Variants in DENND6A observed in about 807,000 individuals in gnomAD.
DENND6A encodes the protein DENN domain containing 6A, also known as protein DENND6A.
A neutral mutation model predicts 95.5 loss-of-function variants in DENND6A; 43 were observed. The observed-to-expected ratio is 0.45, with a 90% confidence interval of 0.35 to 0.58. The LOEUF is 0.58. Among genes scored for constraint, DENND6A ranks in the 20% least tolerant of loss-of-function variants. The pLI, the probability that DENND6A is intolerant of heterozygous loss-of-function variation, is 0.00. For synonymous variants in DENND6A, 257 were observed against 260.4 expected (o/e 0.99, Z 0.13); for missense variants, 574 against 736.0 (o/e 0.78, Z 2.55).
At chr3:57,654,797 TCTTTA>T (rs1419469672) in intron 9 of DENND6A, 3 of 984,444 alleles carry the variant, frequency 3.0e-6, no homozygotes, top group Admixed American at 6.1e-5. Flanking sequence ...TTTCTAGGTC[TCTTTA>T]CTTTGCTTTC....
chr3:57,661,121 A>T (rs892080952), intron 6 of DENND6A, among the ~76,000 whole-genome samples: 1 of 152,232 alleles, frequency 6.6e-6, no homozygotes, highest in African/African-American at 2.4e-5. Context: ...AAGCACATCA[A>T]CTGGCAAAGG....
chr3:57,660,902 G>A, intron 6 of DENND6A, 63 bp from the exon 7 acceptor site: 2 of 1,404,376 alleles, frequency 1.4e-6, no homozygotes, highest in African/African-American at 1.5e-5. Flanking sequence ...TAAAAATGAG[G>A]CATTAGAAAT....
At position 57,664,807 on chromosome 3, in the gene DENND6A, T is replaced by C. The variant is rs190331120; in HGVS notation, c.433-1091A>G. ...GAGATCACGCCACTGCACTCCAGCC[T>C]GGTGACAGAGCAAGACTCCATCTCA... On this transcript the variant is annotated intron_variant, in intron 4 of 19. Transcript: ENST00000311128. Among the ~76,000 whole-genome samples, 25 of 152,186 alleles carry C rather than the reference T, an allele frequency of 1.6e-4. No individual in the cohort carries two copies. In the East Asian group the frequency reaches 4.6e-3, roughly 28 times the overall value.
At chr3:57,644,653 A>C (rs1426460679) in intron 11 of DENND6A, among the ~76,000 whole-genome samples, 1 of 131,560 alleles carries the variant, frequency 7.6e-6, no homozygotes, top group East Asian at 2.4e-4. Context: ...TGTTACAAGA[A>C]AGAAGAGGTG....
intron 1 of DENND6A, among the ~76,000 whole-genome samples, chr3:57,686,069 C>T (rs778554907): frequency 3.3e-5 from 5 of 151,980 alleles, no homozygotes; most frequent in Non-Finnish European, 7.4e-5. Context: ...TAACAAATGC[C>T]CCAGATGATT....
chr3:57,671,403 G>A (rs1017125254), intron 3 of DENND6A, among the ~76,000 whole-genome samples: 7 of 151,928 alleles, frequency 4.6e-5, no homozygotes, highest in African/African-American at 9.7e-5. Flanking sequence ...GGTGGCAGGC[G>A]CCTGTGGTCC....
At chr3:57,666,915 G>C (rs2153416035) in intron 3 of DENND6A, among the ~76,000 whole-genome samples, 1 of 152,234 alleles carries the variant, frequency 6.6e-6, no homozygotes, top group Non-Finnish European at 1.5e-5. Flanking sequence ...GATCCAAAAA[G>C]ATATAAAAGT....
intron 9 of DENND6A, among the ~76,000 whole-genome samples, chr3:57,648,680 T>C (rs1269294808): frequency 6.6e-6 from 1 of 152,110 alleles, no homozygotes; most frequent in Non-Finnish European, 1.5e-5. Flanking sequence ...TATAGACCAA[T>C]GGAACAGAAC....
chr3:57,662,178 C>G (rs372182524), intron 5 of DENND6A, among the ~76,000 whole-genome samples: 170 of 91,978 alleles, frequency 1.8e-3, no homozygotes, highest in African/African-American at 5.9e-3. Context: ...TCTTTCTTTT[C>G]TTTTTTCTTT....
chr3:57,643,610 T>C (rs1375711056), intron 11 of DENND6A, among the ~76,000 whole-genome samples: 2 of 151,724 alleles, frequency 1.3e-5, no homozygotes, highest in Non-Finnish European at 2.9e-5. Context: ...GGTGGATCAC[T>C]TGAGGTCAGG....
chr3:57,685,205 G>A (rs954148737), intron 1 of DENND6A, among the ~76,000 whole-genome samples: 2 of 151,704 alleles, frequency 1.3e-5, no homozygotes, highest in African/African-American at 4.9e-5. Context: ...TTACAGGCGT[G>A]AGCCACCACG....
At chr3:57,663,606 A>T (rs764864155) in intron 5 of DENND6A, 30 bp downstream of exon 5, 4 of 1,465,738 alleles carry the variant, frequency 2.7e-6, no homozygotes, top group Non-Finnish European at 3.7e-6. Flanking sequence ...AATAAAAAAT[A>T]CTTTTTTTAT....
intron 8 of DENND6A, among the ~76,000 whole-genome samples, chr3:57,658,773 A>G (rs982715313): frequency 2.6e-5 from 4 of 152,216 alleles, no homozygotes; most frequent in African/African-American, 7.2e-5. Flanking sequence ...TTGTAACTAC[A>G]GAATCCTTTT....
intron 1 of DENND6A, among the ~76,000 whole-genome samples, chr3:57,679,311 C>A (rs1302969636): frequency 6.6e-6 from 1 of 152,196 alleles, no homozygotes; most frequent in African/African-American, 2.4e-5. Flanking sequence ...TCCCACCTGC[C>A]CTCACAGAAG....
At chr3:57,646,195 A>T in intron 10 of DENND6A, 121 bp downstream of exon 10, 1 of 1,373,812 alleles carries the variant, frequency 7.3e-7, no homozygotes, top group Non-Finnish European at 9.9e-7. Flanking sequence ...TTTTGCATGG[A>T]TCAATGCAAT....
intron 1 of DENND6A, among the ~76,000 whole-genome samples, chr3:57,675,866 T>A (rs1418973891): frequency 2.0e-5 from 3 of 152,246 alleles, no homozygotes; most frequent in Non-Finnish European, 2.9e-5. Flanking sequence ...AGGCATCTTG[T>A]GTGCATTGGT....
intron 1 of DENND6A, among the ~76,000 whole-genome samples, chr3:57,675,533 C>A (rs1445059415): frequency 6.6e-6 from 1 of 152,180 alleles, no homozygotes; most frequent in Non-Finnish European, 1.5e-5. Flanking sequence ...ACAATAAAGG[C>A]TATCCTAATT....
chr3:57,672,503 C>T, intron 1 of DENND6A, 65 bp from the exon 2 acceptor site: 1 of 1,514,774 alleles, frequency 6.6e-7, no homozygotes. Context: ...ATATTATAGG[C>T]CAGGCACGGT....
At chr3:57,672,374 CTA>C in intron 2 of DENND6A, 24 bp downstream of exon 2, 1 of 1,611,778 alleles carries the variant, frequency 6.2e-7, no homozygotes, top group Non-Finnish European at 8.5e-7. Flanking sequence ...TAACAGTAAA[CTA>C]TACAGAGCAG....
Sources: allele counts gnomAD v4.1 joint callset (sites outside exome capture counted in the v4.1 genomes callset), GRCh38; gene constraint gnomAD v4.1.1; transcripts MANE v1.5; gene names NCBI Gene and HGNC (gene_info 2026-07-23, HGNC 2026-07-21).